TSHR: variants seen among roughly 807,000 people sequenced by gnomAD.
TSHR encodes the protein thyrotropin receptor.
A neutral mutation model predicts 64.1 loss-of-function variants in TSHR; 51 were observed. The ratio of observed to expected loss-of-function variants is 0.80; its 90% CI spans 0.64 to 1.01. The LOEUF is 1.01. TSHR is among the 50% of genes least tolerant of loss of function. The pLI is 0.00. For synonymous variants in TSHR, 361 were observed against 361.9 expected (o/e 1.00, Z 0.03); for missense variants, 877 against 942.8 (o/e 0.93, Z 0.91).
chr14:80,981,344 A>T (rs866931284), intron 1 of TSHR, among the ~76,000 whole-genome samples: 1 of 152,182 alleles, frequency 6.6e-6, no homozygotes, highest in African/African-American at 2.4e-5. Flanking sequence ...TAAAAATAGA[A>T]TATTGAGTTT....
chr14:81,134,685 T>G (rs904956550), intron 8 of TSHR, among the ~76,000 whole-genome samples: 1 of 152,072 alleles, frequency 6.6e-6, no homozygotes, highest in Non-Finnish European at 1.5e-5. Context: ...TAGGAGAAAA[T>G]TCCAAGAAAA....
chr14:81,036,234 A>T (rs935389704), intron 1 of TSHR, among the ~76,000 whole-genome samples: 6 of 152,234 alleles, frequency 3.9e-5, no homozygotes, highest in Non-Finnish European at 7.3e-5. Context: ...CAGCTCCATG[A>T]AGCACAAAGG....
chr14:80,981,752 G>A (rs3783951), intron 1 of TSHR, among the ~76,000 whole-genome samples: 40,979 of 152,036 alleles, frequency 0.27, 6,431 homozygotes, highest in South Asian at 0.38. Flanking sequence ...AGCTTCAGCA[G>A]GTCTGCACTA....
intron 7 of TSHR, chr14:81,104,768 T>C (rs894788376): frequency 2.0e-5 from 20 of 985,284 alleles, no homozygotes; most frequent in Non-Finnish European, 2.3e-5. Context: ...TTCACAATCT[T>C]AAATCAGGGC....
chr14:80,960,919 A>G (rs1886988165), intron 1 of TSHR, among the ~76,000 whole-genome samples: 1 of 152,256 alleles, frequency 6.6e-6, no homozygotes, highest in South Asian at 2.1e-4. Context: ...TGTAGCTGCC[A>G]GACTGTCTAT....
At chr14:80,981,252 G>T (rs12884779) in intron 1 of TSHR, among the ~76,000 whole-genome samples, 1 of 152,164 alleles carries the variant, frequency 6.6e-6, no homozygotes, top group Non-Finnish European at 1.5e-5. Flanking sequence ...AGGTGTCTCA[G>T]CCATCCAGTA....
chr14:81,071,281 AG>A (rs1176704736), intron 3 of TSHR, among the ~76,000 whole-genome samples: 2 of 152,238 alleles, frequency 1.3e-5, no homozygotes, highest in East Asian at 3.8e-4. Flanking sequence ...GCTTTGTAAA[AG>A]CTTAGCAAGA....
At chr14:81,140,001 G>T (rs1891618217) in intron 9 of TSHR, 134 bp downstream of exon 9, 1 of 1,231,546 alleles carries the variant, frequency 8.1e-7, no homozygotes, top group Admixed American at 2.0e-5. Context: ...TATGAAACAG[G>T]AAATCCATGG....
chr14:81,114,634 G>C (rs913103692), intron 8 of TSHR, among the ~76,000 whole-genome samples: 11 of 152,222 alleles, frequency 7.2e-5, no homozygotes, highest in Admixed American at 6.5e-4. Flanking sequence ...GGCGTGCTTA[G>C]GTAAACAAAG....
rs1012703570 is a variant in TSHR, at chr14:81,140,325, G to C, written c.881+458G>C. Among the ~76,000 whole-genome samples, 17 of 152,290 alleles carry C rather than the reference G, an allele frequency of 1.1e-4. 1 individual carries two copies. Among genetic ancestry groups the C allele is most frequent in the Middle Eastern group, 6.8e-3 (2 of 294 alleles). On this transcript the variant is annotated intron_variant, in intron 9 of 9. Transcript: ENST00000298171. Reference sequence around the variant, plus strand: ...TAGCTCCCTGGTTACATGCCTGCAGGCTTTGGAGTCAGCTGGGTTTATACC... The same window carrying C: ...TAGCTCCCTGGTTACATGCCTGCAGCCTTTGGAGTCAGCTGGGTTTATACC...
chr14:81,095,904 G>C (rs1889140153), intron 6 of TSHR, among the ~76,000 whole-genome samples: 1 of 152,068 alleles, frequency 6.6e-6, no homozygotes, highest in Non-Finnish European at 1.5e-5. Flanking sequence ...GCCAGGCATG[G>C]TGGCACATGC....
chr14:80,964,225 T>C (rs1330682625), intron 1 of TSHR, among the ~76,000 whole-genome samples: 4 of 152,014 alleles, frequency 2.6e-5, no homozygotes, highest in Non-Finnish European at 5.9e-5. Context: ...AACAATCAGA[T>C]CAGTTTTGAT....
intron 7 of TSHR, among the ~76,000 whole-genome samples, chr14:81,100,044 G>A (rs1889475232): frequency 6.6e-6 from 1 of 152,168 alleles, no homozygotes; most frequent in Non-Finnish European, 1.5e-5. Context: ...ATTTCTCTTT[G>A]AGCTTCTCCT....
At chr14:81,088,712 G>C (rs1246979813) in intron 4 of TSHR, among the ~76,000 whole-genome samples, 1 of 151,986 alleles carries the variant, frequency 6.6e-6, no homozygotes, top group Non-Finnish European at 1.5e-5. Context: ...ATAAAGATTA[G>C]AAAACAAAGA....
At position 80,955,745 on chromosome 14, in the gene TSHR, T is replaced by C. The variant is rs562487889; in HGVS notation, c.65T>C (p.Met22Thr). 2.5e-6 allele frequency: 4 copies of C among 1,614,148 alleles called. No individual in the cohort carries two copies. In the Admixed American group the frequency reaches 6.7e-5, roughly 27 times the overall value. The change falls in exon 1 of 10, where the codon ATG becomes ACG. Residue 22 changes from methionine to threonine, a missense_variant. Physicochemically the swap from Met to Thr is moderately conservative, Grantham distance 81 (BLOSUM62 -1). Coordinates refer to ENST00000298171, the MANE Select transcript of TSHR (RefSeq NM_000369.5). Reference protein sequence around the residue: ...LLDLPRDLGGMGCSSPPCECH... With the variant: ...LLDLPRDLGGTGCSSPPCECH... ...GACCTGCCCAGGGACCTGGGCGGAA[T>C]GGGGTGTTCGTCTCCACCCTGCGAG...
intron 7 of TSHR, among the ~76,000 whole-genome samples, chr14:81,101,712 A>C (rs535732966): frequency 6.6e-6 from 1 of 152,042 alleles, no homozygotes; most frequent in South Asian, 2.1e-4. Context: ...ATACCACCAC[A>C]CTCACTTGAA....
At position 81,145,574 on chromosome 14, in the gene TSHR, A is replaced by C. The variant is rs2140116614; in HGVS notation, c.*1221A>C. The stretch of plus-strand genomic sequence containing the variant: ...CGATGGTTGCAAATTTTGGCTATTT[A>C]GAGTTGCTACTTCACTATGAAGAGT... On this transcript the variant is annotated 3_prime_UTR_variant, in exon 10 of 10. Coordinates refer to ENST00000298171, the MANE Select transcript of TSHR (RefSeq NM_000369.5). 1 of 233,136 alleles carries C rather than the reference A, an allele frequency of 4.3e-6. No individual in the cohort carries two copies. Among genetic ancestry groups the C allele is most frequent in the East Asian group, 6.0e-5 (1 of 16,530 alleles). 14.4% of individuals were successfully genotyped at this position (233,136 alleles called of 1,614,324 possible).
intron 8 of TSHR, among the ~76,000 whole-genome samples, chr14:81,136,939 GA>G (rs1187381879): frequency 6.6e-6 from 1 of 152,192 alleles, no homozygotes; most frequent in Non-Finnish European, 1.5e-5. Flanking sequence ...ACCTGAAAGT[GA>G]AGACTAGCTC....
chr14:81,072,753 T>TAAAAGAAAACTGATGTAAATA (rs1555376875), intron 3 of TSHR, among the ~76,000 whole-genome samples: 7 of 149,644 alleles, frequency 4.7e-5, no homozygotes, highest in African/African-American at 1.8e-4. Context: ...AGTGAAAAGC[T>TAAAAGAAAACTGATGTAAATA]TTGGGAGGCC....
Sources: allele counts gnomAD v4.1 joint callset (sites outside exome capture counted in the v4.1 genomes callset), GRCh38; gene constraint gnomAD v4.1.1; transcripts MANE v1.5; gene names NCBI Gene and HGNC (gene_info 2026-07-23, HGNC 2026-07-21).